Variants in TMEM132D observed in about 807,000 individuals in gnomAD.
TMEM132D encodes the protein mature OL transmembrane protein.
Under a neutral mutation model 62.3 loss-of-function variants are expected in TMEM132D, and 21 were observed. The observed-to-expected ratio is 0.34, with a 90% CI of 0.24 to 0.49. The LOEUF (loss-of-function observed/expected upper bound fraction) is 0.49. Ranked by LOEUF, TMEM132D falls within the 20% of genes least tolerant of loss-of-function variation. The pLI is 0.99. For synonymous variants in TMEM132D, 621 were observed against 575.6 expected (o/e 1.08, Z -1.13); for missense variants, 1,346 against 1,402.8 (o/e 0.96, Z 0.65).
chr12:129,572,675 C>T (rs1877550179), intron 2 of TMEM132D, among the ~76,000 whole-genome samples: 1 of 152,110 alleles, frequency 6.6e-6, no homozygotes. Flanking sequence ...TCTTGAACTC[C>T]TGACCTCAGA....
At chr12:129,107,731 G>A (rs904612573) in intron 5 of TMEM132D, among the ~76,000 whole-genome samples, 38 of 152,284 alleles carry the variant, frequency 2.5e-4, no homozygotes, top group Non-Finnish European at 4.4e-4. Flanking sequence ...CTGTCACCCA[G>A]GCTGAAGTGC....
At chr12:129,745,798 A>G (rs1011033801) in intron 1 of TMEM132D, among the ~76,000 whole-genome samples, 1 of 152,234 alleles carries the variant, frequency 6.6e-6, no homozygotes, top group Admixed American at 6.5e-5. Flanking sequence ...GCAAATAAAT[A>G]AATGGAGGAA....
At chr12:129,343,076 G>A (rs1229333364) in intron 3 of TMEM132D, among the ~76,000 whole-genome samples, 1 of 152,138 alleles carries the variant, frequency 6.6e-6, no homozygotes, top group Non-Finnish European at 1.5e-5. Context: ...CCATTACTGG[G>A]TATATACCCA....
chr12:129,242,124 C>A (rs34255530), intron 4 of TMEM132D, among the ~76,000 whole-genome samples: 39,874 of 152,114 alleles, frequency 0.26, 5,373 homozygotes, highest in African/African-American at 0.31. Flanking sequence ...CCATAATGCC[C>A]TTCCAAAAAT....
At chr12:129,588,741 TTTTTTTC>T (rs1423592390) in intron 2 of TMEM132D, among the ~76,000 whole-genome samples, 5 of 3,460 alleles carry the variant, frequency 1.4e-3, no homozygotes, top group African/African-American at 1.9e-3. Flanking sequence ...CGCCCAGCTA[TTTTTTTC>T]TTTTTTTTTT....
intron 5 of TMEM132D, among the ~76,000 whole-genome samples, chr12:129,169,910 A>C (rs1161338033): frequency 6.6e-6 from 1 of 152,228 alleles, no homozygotes; most frequent in African/African-American, 2.4e-5. Context: ...TTGCAATCCC[A>C]GTTTTGATAT....
intron 1 of TMEM132D, among the ~76,000 whole-genome samples, chr12:129,898,874 G>A (rs536996488): frequency 3.7e-4 from 57 of 152,314 alleles, no homozygotes; most frequent in African/African-American, 1.4e-3. Context: ...GGAAAGGAGA[G>A]GGAACAAAGG....
At chr12:129,380,910 C>CT (rs1466303651) in intron 3 of TMEM132D, among the ~76,000 whole-genome samples, 2 of 152,126 alleles carry the variant, frequency 1.3e-5, no homozygotes, top group Admixed American at 6.6e-5. Flanking sequence ...TAGTTCAATC[C>CT]TTTTTTTGTT....
chr12:129,195,238 G>A (rs1878515386), intron 5 of TMEM132D, among the ~76,000 whole-genome samples: 1 of 152,046 alleles, frequency 6.6e-6, no homozygotes, highest in Non-Finnish European at 1.5e-5. Context: ...GGCAGGGTGA[G>A]GTCTCCAGGC....
intron 2 of TMEM132D, among the ~76,000 whole-genome samples, chr12:129,697,065 G>A (rs1435769420): frequency 1.3e-5 from 2 of 152,176 alleles, no homozygotes; most frequent in Non-Finnish European, 2.9e-5. Flanking sequence ...ATGCCCCTGA[G>A]TGCCCCTGAG....
chr12:129,604,713 T>A (rs554510955), intron 2 of TMEM132D, among the ~76,000 whole-genome samples: 1 of 152,340 alleles, frequency 6.6e-6, no homozygotes, highest in Admixed American at 6.5e-5. Context: ...CTTCCCCTCA[T>A]GCCTGAAGCA....
At chr12:129,307,310 A>G (rs1881868975) in intron 4 of TMEM132D, among the ~76,000 whole-genome samples, 2 of 152,170 alleles carry the variant, frequency 1.3e-5, no homozygotes, top group Admixed American at 1.3e-4. Flanking sequence ...GGAAAGTGGG[A>G]AATCAGTATC....
At chr12:129,440,568 A>G (rs1414339902) in intron 3 of TMEM132D, among the ~76,000 whole-genome samples, 1 of 152,214 alleles carries the variant, frequency 6.6e-6, no homozygotes, top group Non-Finnish European at 1.5e-5. Flanking sequence ...ATCCCATAAT[A>G]GCATGGGCAT....
chr12:129,327,005 G>C (rs1237769562), intron 4 of TMEM132D, among the ~76,000 whole-genome samples: 1 of 152,182 alleles, frequency 6.6e-6, no homozygotes, highest in Non-Finnish European at 1.5e-5. Context: ...GTTAAGTGCA[G>C]ACTGACACAC....
At chr12:129,626,333 G>A (rs1879212873) in intron 2 of TMEM132D, among the ~76,000 whole-genome samples, 3 of 152,132 alleles carry the variant, frequency 2.0e-5, no homozygotes, top group Non-Finnish European at 4.4e-5. Context: ...AATTTTCCCA[G>A]GATTTAGGAA....
intron 4 of TMEM132D, among the ~76,000 whole-genome samples, chr12:129,336,793 C>G (rs967767335): frequency 6.6e-6 from 1 of 152,082 alleles, no homozygotes; most frequent in Non-Finnish European, 1.5e-5. Context: ...AGCATGCAGC[C>G]GGGCCTGGGC....
intron 3 of TMEM132D, among the ~76,000 whole-genome samples, chr12:129,392,766 A>G (rs961777605): frequency 6.6e-6 from 1 of 152,220 alleles, no homozygotes; most frequent in Non-Finnish European, 1.5e-5. Flanking sequence ...GACCATTGTG[A>G]TGTGATATTC....
At chr12:129,154,793 C>T (rs1290434660) in intron 5 of TMEM132D, among the ~76,000 whole-genome samples, 1 of 152,108 alleles carries the variant, frequency 6.6e-6, no homozygotes, top group Non-Finnish European at 1.5e-5. Context: ...TCTGTTGGTT[C>T]TCACAGTTCT....
intron 3 of TMEM132D, among the ~76,000 whole-genome samples, chr12:129,382,182 A>G (rs1870971619): frequency 6.6e-6 from 1 of 152,222 alleles, no homozygotes; most frequent in Non-Finnish European, 1.5e-5. Context: ...TCTATCTGGT[A>G]ACCAAACAAA....
Sources: allele counts gnomAD v4.1 joint callset (sites outside exome capture counted in the v4.1 genomes callset), GRCh38; gene constraint gnomAD v4.1.1; transcripts MANE v1.5; gene names NCBI Gene and HGNC (gene_info 2026-07-23, HGNC 2026-07-21).